The following PPP1R12A variants were observed in gnomAD, a reference collection of about 807,000 sequenced individuals.
PPP1R12A encodes the protein myosin binding subunit.
In PPP1R12A, 19 loss-of-function variants were observed where a neutral mutation model predicts 139.6. The ratio of observed to expected loss-of-function variants is 0.14; its 90% CI spans 0.09 to 0.20. PPP1R12A has a LOEUF of 0.20. PPP1R12A is among the 10% of genes least tolerant of loss of function. PPP1R12A has a pLI of 1.00. For synonymous variants in PPP1R12A, 427 were observed against 420.6 expected, an observed-to-expected ratio of 1.02 and a Z score of -0.19; for missense variants, 925 against 1,211.5, an observed-to-expected ratio of 0.76 and a Z score of 3.51.
chr12:79,921,925 A>AAC (rs201348921), intron 1 of PPP1R12A, among the ~76,000 whole-genome samples: 4 of 152,116 alleles, frequency 2.6e-5, no homozygotes, highest in East Asian at 1.9e-4. Flanking sequence ...TATTCTCACA[A>AAC]ACACACACAC....
chr12:79,906,966 T>C (rs1886180424), intron 1 of PPP1R12A, among the ~76,000 whole-genome samples: 1 of 152,168 alleles, frequency 6.6e-6, no homozygotes, highest in Non-Finnish European at 1.5e-5. Flanking sequence ...GGCCTACAAA[T>C]TGCCTATTGT....
chr12:79,774,926 A>AGATGATT lies in PPP1R12A; in HGVS notation c.*1002_*1003insAATCATC, dbSNP rs34341780. On this transcript the variant is annotated 3_prime_UTR_variant, in exon 25 of 25. Transcript: ENST00000450142. ...ACTTTACAGTAGGAAACTTTTGTAA[A>AGATGATT]GATAGGGCTCCACATAATGTGTAAC... 2.6e-5 allele frequency: 4 copies of AGATGATT among 152,180 alleles called. No individual in the cohort carries two copies. Among genetic ancestry groups the AGATGATT allele is most frequent in the African/African-American group, 9.7e-5 (4 of 41,344 alleles). The allele number at this position is 152,180 out of a possible 1,614,324, so 9.4% of individuals were successfully genotyped here. A position where few individuals can be genotyped will look rare whatever the true frequency, so the allele number is the denominator to read the frequency against.
At chr12:79,910,715 A>G (rs1451885103) in intron 1 of PPP1R12A, among the ~76,000 whole-genome samples, 1 of 152,236 alleles carries the variant, frequency 6.6e-6, no homozygotes, top group Non-Finnish European at 1.5e-5. Context: ...AAGGCTAGTC[A>G]TAACACAAAG....
At chr12:79,825,673 G>A (rs1488261177) in intron 5 of PPP1R12A, among the ~76,000 whole-genome samples, 1 of 151,526 alleles carries the variant, frequency 6.6e-6, no homozygotes, top group Non-Finnish European at 1.5e-5. Context: ...TCTAAACTCT[G>A]GTAGTACCTT....
intron 2 of PPP1R12A, among the ~76,000 whole-genome samples, chr12:79,847,205 T>C (rs1879520446): frequency 6.6e-6 from 1 of 152,144 alleles, no homozygotes; most frequent in African/African-American, 2.4e-5. Flanking sequence ...ACTTTTGGGG[T>C]TCTTTTTGTA....
At chr12:79,831,383 G>C (rs1361466480) in intron 4 of PPP1R12A, among the ~76,000 whole-genome samples, 1 of 152,080 alleles carries the variant, frequency 6.6e-6, no homozygotes, top group African/African-American at 2.4e-5. Context: ...AGGAGTTCAA[G>C]ACCAGCCTGG....
chr12:79,932,597 T>G (rs1888333760), intron 1 of PPP1R12A, among the ~76,000 whole-genome samples: 1 of 152,158 alleles, frequency 6.6e-6, no homozygotes, highest in African/African-American at 2.4e-5. Context: ...TGGAGTAAAT[T>G]TAGAAACTTC....
chr12:79,832,547 G>GA (rs1171045935), intron 3 of PPP1R12A, 56 bp from the exon 4 acceptor site: 1 of 1,465,174 alleles, frequency 6.8e-7, no homozygotes, highest in African/African-American at 1.4e-5. Context: ...TCCATGTTGG[G>GA]AAATAAAACT....
intron 1 of PPP1R12A, among the ~76,000 whole-genome samples, chr12:79,881,941 G>GTTGTTTACA: frequency 6.6e-6 from 1 of 152,138 alleles, no homozygotes; most frequent in Non-Finnish European, 1.5e-5. Flanking sequence ...AAGCCTGGAT[G>GTTGTTTACA]GCAGCACATC....
chr12:79,790,354 TTTATTATCAAATAA>T lies in PPP1R12A; in HGVS notation c.2666+99_2666+112del, dbSNP rs1376764228. The T allele has an allele frequency of 7.6e-6, 6 of 793,876 alleles. No individual in the cohort carries two copies. The African/African-American group carries it at 1.1e-4, about 14-fold the overall frequency. 49.2% of individuals were successfully genotyped at this position (793,876 alleles called of 1,614,324 possible). A position where few individuals can be genotyped will look rare whatever the true frequency, so the allele number is the denominator to read the frequency against. On this transcript the variant is annotated intron_variant, in intron 20 of 24. Transcript: ENST00000450142. The stretch of plus-strand genomic sequence containing the variant: ...ATGATAAGGCCATCAAAATTTGTTT[TTTATTATCAAATAA>T]TTCTATAAACTTACAAAATCCATAA...
chr12:79,888,957 G>A (rs1884354433), intron 1 of PPP1R12A, among the ~76,000 whole-genome samples: 1 of 152,086 alleles, frequency 6.6e-6, no homozygotes, highest in Non-Finnish European at 1.5e-5. Context: ...TTCATTCTAG[G>A]AATTTATTCT....
At chr12:79,869,793 C>A (rs1245000576) in intron 2 of PPP1R12A, among the ~76,000 whole-genome samples, 1 of 152,032 alleles carries the variant, frequency 6.6e-6, no homozygotes. Context: ...GCACACAAAG[C>A]TAGTGAATGG....
chr12:79,776,156 G>A (rs1490661573), intron 24 of PPP1R12A, 141 bp from the exon 25 acceptor site: 1 of 484,682 alleles, frequency 2.1e-6, no homozygotes, highest in Non-Finnish European at 3.5e-6. Context: ...TCTAAAACAT[G>A]TATCAGGAAG....
chr12:79,870,484 A>G (rs1476821564), intron 2 of PPP1R12A, among the ~76,000 whole-genome samples: 1 of 152,216 alleles, frequency 6.6e-6, no homozygotes, highest in Non-Finnish European at 1.5e-5. Context: ...CATCCAGTAT[A>G]TGCTAGAGTT....
At chr12:79,855,386 C>G (rs1880526614) in intron 2 of PPP1R12A, among the ~76,000 whole-genome samples, 1 of 152,156 alleles carries the variant, frequency 6.6e-6, no homozygotes. Flanking sequence ...CTGAGAAAAA[C>G]AAACAAAGAA....
chr12:79,822,349 T>G (rs1396839900), intron 5 of PPP1R12A, among the ~76,000 whole-genome samples, 159 bp from the exon 6 acceptor site: 1 of 152,178 alleles, frequency 6.6e-6, no homozygotes, highest in Non-Finnish European at 1.5e-5. Flanking sequence ...TCTAAGGCAA[T>G]GTATGTGAAA....
intron 15 of PPP1R12A, among the ~76,000 whole-genome samples, chr12:79,798,137 T>A (rs1480306727): frequency 2.0e-5 from 3 of 152,150 alleles, no homozygotes; most frequent in Non-Finnish European, 2.9e-5. Flanking sequence ...AGACATCATA[T>A]GATTAATTTA....
chr12:79,852,193 CTT>C (rs200453712), intron 2 of PPP1R12A, among the ~76,000 whole-genome samples: 33 of 136,944 alleles, frequency 2.4e-4, no homozygotes, highest in Non-Finnish European at 3.5e-4. Context: ...CTTTTTCTTT[CTT>C]TTTTTTTTTT....
chr12:79,872,988 C>T, intron 1 of PPP1R12A, 50 bp from the exon 2 acceptor site: 1 of 1,535,456 alleles, frequency 6.5e-7, no homozygotes, highest in African/African-American at 1.4e-5. Context: ...ATTAACACTC[C>T]AAATAATACA....
Sources: gnomAD v4.1 joint callset for allele counts (sites outside exome capture counted in the v4.1 genomes callset) on GRCh38, gnomAD v4.1.1 for gene constraint, MANE v1.5 for transcripts, NCBI Gene and HGNC (gene_info 2026-07-23, HGNC 2026-07-21) for gene names.